Variants in RGL1 observed in about 807,000 individuals in gnomAD.
RGL1 encodes ral guanine nucleotide dissociation stimulator like 1.
A neutral mutation model predicts 95.2 loss-of-function variants in RGL1; 24 were observed. The observed-to-expected ratio is 0.25, with a 90% CI of 0.18 to 0.35. The LOEUF (loss-of-function observed/expected upper bound fraction) is 0.35, where lower values mean the gene tolerates loss of function less well. Among genes scored for constraint, RGL1 ranks in the 10% least tolerant of loss-of-function variants. The pLI, the probability that RGL1 is intolerant of heterozygous loss-of-function variation, is 1.00. For synonymous variants in RGL1, 329 were observed against 344.9 expected (o/e 0.95, Z 0.51); for missense variants, 715 against 936.3 (o/e 0.76, Z 3.08).
chr1:183,748,922 G>A (rs532426061), intron 2 of RGL1, among the ~76,000 whole-genome samples: 1 of 152,280 alleles, frequency 6.6e-6, no homozygotes, highest in East Asian at 1.9e-4. Flanking sequence ...CCATGTAGTT[G>A]TGTGGTTTTT....
At chr1:183,711,853 T>A (rs1404550273) in intron 1 of RGL1, among the ~76,000 whole-genome samples, 1 of 152,156 alleles carries the variant, frequency 6.6e-6, no homozygotes, top group Non-Finnish European at 1.5e-5. Flanking sequence ...ACATCTCTGA[T>A]AGCAAATAGA....
At chr1:183,792,888 T>C (rs1660504994) in intron 2 of RGL1, among the ~76,000 whole-genome samples, 1 of 152,160 alleles carries the variant, frequency 6.6e-6, no homozygotes, top group Admixed American at 6.5e-5. Context: ...AAGCAATTTA[T>C]AGATTCAATG....
intron 2 of RGL1, among the ~76,000 whole-genome samples, chr1:183,839,069 A>G (rs1164414883): frequency 6.6e-6 from 1 of 152,206 alleles, no homozygotes; most frequent in African/African-American, 2.4e-5. Flanking sequence ...ATGCCATCAT[A>G]GATCAGACGA....
At chr1:183,765,718 A>G (rs1658927708) in intron 2 of RGL1, among the ~76,000 whole-genome samples, 1 of 152,188 alleles carries the variant, frequency 6.6e-6, no homozygotes, top group African/African-American at 2.4e-5. Flanking sequence ...AACTCTCCCA[A>G]GGAAGCCCTG....
At chr1:183,892,261 A>G (rs1481466459) in intron 9 of RGL1, 100 bp downstream of exon 9, 1 of 838,414 alleles carries the variant, frequency 1.2e-6, no homozygotes, top group Non-Finnish European at 1.8e-6. Flanking sequence ...TTCAACTCCA[A>G]AGAAAGCCTA....
In RGL1 at chr1:183,682,877, G is replaced by A. The variant is rs183336747; in HGVS notation, c.-33+46376G>A. 2.2e-4 allele frequency among the ~76,000 whole-genome samples: 33 copies of A among 152,280 alleles called. No homozygotes were observed. In the East Asian group the frequency reaches 6.2e-3, roughly 28 times the overall value. On this transcript the variant is annotated intron_variant, in intron 1 of 18. Transcript: ENST00000304685. ...TTGTATTGGGTGCGTATATATTTAG[G>A]ATAGTTAGCTCTTCTTGTTGCATTG...
chr1:183,743,388 T>C (rs1926828), intron 2 of RGL1, among the ~76,000 whole-genome samples: 8,631 of 125,162 alleles, frequency 0.069, 357 homozygotes, highest in Admixed American at 0.16. Flanking sequence ...TAAGATAGCA[T>C]AGAAACGTAA....
intron 1 of RGL1, chr1:183,648,236 C>A: frequency 6.2e-7 from 1 of 1,614,110 alleles, no homozygotes; most frequent in Non-Finnish European, 8.5e-7. Context: ...AAACAACCCG[C>A]GGCCATAAGC....
chr1:183,913,278 C>G (rs562994967), intron 15 of RGL1, among the ~76,000 whole-genome samples: 9 of 145,200 alleles, frequency 6.2e-5, no homozygotes, highest in Non-Finnish European at 6.0e-5. Context: ...TCACTACAAC[C>G]TCTGTCTTCT....
At chr1:183,762,363 A>G (rs1658721782) in intron 2 of RGL1, among the ~76,000 whole-genome samples, 1 of 152,220 alleles carries the variant, frequency 6.6e-6, no homozygotes, top group Admixed American at 6.5e-5. Context: ...GTCATGTCTC[A>G]GGGAATAGAA....
At chr1:183,850,740 T>A (rs1168783671) in intron 3 of RGL1, among the ~76,000 whole-genome samples, 1 of 152,198 alleles carries the variant, frequency 6.6e-6, no homozygotes, top group East Asian at 1.9e-4. Context: ...AAGTAGAAAT[T>A]GAAAAATTAT....
At chr1:183,767,480 C>T (rs1007541387) in intron 2 of RGL1, among the ~76,000 whole-genome samples, 7 of 152,132 alleles carry the variant, frequency 4.6e-5, no homozygotes, top group African/African-American at 1.7e-4. Context: ...CTTAAGTCCA[C>T]CAACGCCCCT....
At chr1:183,722,838 G>A (rs1454999536) in intron 1 of RGL1, among the ~76,000 whole-genome samples, 2 of 136,816 alleles carry the variant, frequency 1.5e-5, no homozygotes, top group African/African-American at 2.7e-5. Context: ...TCAGGCAGAA[G>A]GAAAATGATA....
At chr1:183,834,617 A>T (rs1237398218) in intron 2 of RGL1, among the ~76,000 whole-genome samples, 1 of 152,120 alleles carries the variant, frequency 6.6e-6, no homozygotes, top group Non-Finnish European at 1.5e-5. Context: ...GAAATTCCTT[A>T]TTCCTTTTAT....
chr1:183,777,962 T>A (rs1174297995), intron 2 of RGL1, among the ~76,000 whole-genome samples: 1 of 152,170 alleles, frequency 6.6e-6, no homozygotes, highest in Non-Finnish European at 1.5e-5. Flanking sequence ...GGAAGTGGGA[T>A]GTTTGAAGGG....
chr1:183,815,452 T>A (rs567029111), intron 2 of RGL1, among the ~76,000 whole-genome samples: 1 of 152,290 alleles, frequency 6.6e-6, no homozygotes, highest in East Asian at 1.9e-4. Flanking sequence ...TAAACATGTC[T>A]GTTTTAAAAA....
chr1:183,670,197 G>A (rs994144201), intron 1 of RGL1, among the ~76,000 whole-genome samples: 1 of 152,168 alleles, frequency 6.6e-6, no homozygotes, highest in African/African-American at 2.4e-5. Flanking sequence ...TGACTTAGAA[G>A]GGGTTGGAAT....
At chr1:183,737,303 A>G (rs1657000335) in intron 1 of RGL1, among the ~76,000 whole-genome samples, 1 of 152,240 alleles carries the variant, frequency 6.6e-6, no homozygotes, top group Non-Finnish European at 1.5e-5. Flanking sequence ...TTTGGTGCAT[A>G]ATGATCACTT....
intron 1 of RGL1, among the ~76,000 whole-genome samples, chr1:183,679,588 G>A (rs1653072394): frequency 6.6e-6 from 1 of 151,606 alleles, no homozygotes; most frequent in African/African-American, 2.4e-5. Flanking sequence ...GTATATATGT[G>A]CCACATTTTC....
Sources: allele counts gnomAD v4.1 joint callset (sites outside exome capture counted in the v4.1 genomes callset), GRCh38; gene constraint gnomAD v4.1.1; transcripts MANE v1.5; gene names NCBI Gene and HGNC (gene_info 2026-07-23, HGNC 2026-07-21).